ASAH1: variants seen among roughly 807,000 people sequenced by gnomAD.
ASAH1 encodes acid ceramidase.
A neutral mutation model predicts 59.5 loss-of-function variants in ASAH1; 70 were observed. That is an observed-to-expected ratio of 1.18 (90% CI 0.97 to 1.43). The LOEUF is 1.43. Ranked by LOEUF, ASAH1 falls within the 40% of genes most tolerant of loss-of-function variation. The probability of loss-of-function intolerance (pLI) is 0.00; values close to 1 mark genes in which losing one functional copy is unlikely to be tolerated. For missense variants in ASAH1, 660 were observed against 482.5 expected (o/e 1.37, Z -3.45); for synonymous variants, 213 against 166.5 (o/e 1.28, Z -2.15).
intron 7 of ASAH1, 95 bp from the exon 8 acceptor site, chr8:18,062,518 T>A: frequency 7.4e-7 from 1 of 1,351,446 alleles, no homozygotes; most frequent in Non-Finnish European, 1.1e-6. Flanking sequence ...GGAGCTTTAT[T>A]TACCGAGTCA....
chr8:18,084,081 C>T lies in ASAH1; in HGVS notation c.-23G>A, dbSNP rs750505676. ...CATCGCTCTAGCAGCCAACGCCACT[C>T]CCCGGACTCCAGCAGAGGCAAAGAA... is the stretch of plus-strand genomic sequence containing the variant. On this transcript the variant is annotated 5_prime_UTR_variant, in exon 1 of 14. Transcript: ENST00000637790. 3 of 1,598,028 alleles carry T rather than the reference C, an allele frequency of 1.9e-6. No individual in the cohort carries two copies. The highest frequency in any genetic ancestry group is 1.3e-5 in the African/African-American group (1 of 75,034).
At chr8:18,075,907 A>T in intron 1 of ASAH1, 1 of 391,894 alleles carries the variant, frequency 2.6e-6, no homozygotes, top group South Asian at 2.2e-5. Flanking sequence ...CTGACTTAGC[A>T]CTAAAAGTAA....
upstream of ASAH1, chr8:18,084,862 T>A: frequency 6.3e-7 from 1 of 1,599,332 alleles, no homozygotes; most frequent in Non-Finnish European, 8.5e-7. Flanking sequence ...AGAGCTCAGC[T>A]TGGGAGGAGG....
upstream of ASAH1, chr8:18,084,838 C>G: frequency 6.2e-7 from 1 of 1,609,738 alleles, no homozygotes; most frequent in Non-Finnish European, 8.5e-7. Context: ...GCGAAGGACT[C>G]AGGTGGGCGG....
chr8:18,073,182 A>G, intron 2 of ASAH1: 1 of 1,373,634 alleles, frequency 7.3e-7, no homozygotes, highest in Non-Finnish European at 1.0e-6. Context: ...ACCTCTCGTT[A>G]AACAGTTTTC....
chr8:18,076,179 G>T, intron 1 of ASAH1: 1 of 154,652 alleles, frequency 6.5e-6, no homozygotes, highest in Non-Finnish European at 1.4e-5. Flanking sequence ...TTCCCCACCT[G>T]GTGAACTGCT....
intron 8 of ASAH1, chr8:18,062,004 G>A (rs1799724345): frequency 4.8e-6 from 3 of 620,002 alleles, no homozygotes; most frequent in East Asian, 2.8e-5. Context: ...TTGCCTAAGT[G>A]AGCGGAAGAC....
rs1800162662 is a variant in ASAH1 at position 18,071,297 on chromosome 8, T to C, written c.216+3A>G. The C allele has an allele frequency of 2.6e-6, 4 of 1,537,168 alleles. No homozygotes were observed. The highest frequency in any genetic ancestry group is 3.6e-6 in the Non-Finnish European group (4 of 1,115,734). On this transcript the variant is annotated splice_donor_region_variant and intron_variant, in intron 3 of 13. Transcript: ENST00000637790. The stretch of plus-strand genomic sequence containing the variant: ...AATAAAAGATTTAAGCATCATAGCA[T>C]ACCACTGGTGCCTTGTCAAGCATCA...
At chr8:18,083,091 G>A (rs1468115213) in intron 1 of ASAH1, 1 of 152,144 alleles carries the variant, frequency 6.6e-6, no homozygotes, top group Non-Finnish European at 1.5e-5. Context: ...AGAAGACAAT[G>A]CACATCTTGC....
intron 1 of ASAH1, among the ~76,000 whole-genome samples, chr8:18,078,124 G>A (rs1800488490): frequency 6.6e-6 from 1 of 152,142 alleles, no homozygotes; most frequent in Non-Finnish European, 1.5e-5. Context: ...GGCTTCTGGT[G>A]ATCACTAGAA....
chr8:18,079,925 GCTA>G (rs1800582603), intron 1 of ASAH1, among the ~76,000 whole-genome samples: 1 of 152,206 alleles, frequency 6.6e-6, no homozygotes, highest in African/African-American at 2.4e-5. Flanking sequence ...ATCCTATTAA[GCTA>G]CTGATATTTA....
At chr8:18,079,382 G>T (rs927975487) in intron 1 of ASAH1, among the ~76,000 whole-genome samples, 14 of 150,614 alleles carry the variant, frequency 9.3e-5, no homozygotes, top group African/African-American at 3.4e-4. Context: ...AAGCCTCTTT[G>T]AATGTCCTCC....
At chr8:18,075,957 G>A (rs1462249880) in intron 1 of ASAH1, 1 of 327,604 alleles carries the variant, frequency 3.1e-6, no homozygotes, top group African/African-American at 2.2e-5. Flanking sequence ...TACCAGCCAT[G>A]TGTGTTGCAA....
intron 1 of ASAH1, among the ~76,000 whole-genome samples, chr8:18,083,724 G>A (rs1463012788): frequency 2.6e-5 from 4 of 152,230 alleles, no homozygotes; most frequent in Non-Finnish European, 5.9e-5. Context: ...AAGAATGTGC[G>A]AATCACACCC....
At chr8:18,058,742 G>A in intron 13 of ASAH1, 93 bp downstream of exon 13, 1 of 1,166,678 alleles carries the variant, frequency 8.6e-7, no homozygotes, top group Non-Finnish European at 1.3e-6. Context: ...CACACCTTTT[G>A]TGCTCAAACT....
At position 18,072,328 on chromosome 8, in the gene ASAH1, A is replaced by C. The variant is rs1304259695; in HGVS notation, c.126-938T>G. Among the ~76,000 whole-genome samples, 3 of 152,172 alleles carry C rather than the reference A, an allele frequency of 2.0e-5. No individual in the cohort carries two copies. The East Asian group carries it at 5.8e-4, about 29-fold the overall frequency. The stretch of plus-strand genomic sequence containing the variant: ...CTAAATAGAAATGTTATCTAGACTT[A>C]TGTCCATAGCTGGGGATGGGTTATT... On this transcript the variant is annotated intron_variant, in intron 2 of 13. Coordinates refer to ENST00000637790, the MANE Select transcript of ASAH1 (RefSeq NM_177924.5).
chr8:18,064,522 A>T lies in ASAH1; in HGVS notation c.392T>A (p.Ile131Asn). The change falls in exon 6 of 14, where the codon ATT becomes AAT. Residue 131 changes from isoleucine (I) to asparagine (N), a missense_variant. Coordinates refer to ENST00000637790, the MANE Select transcript of ASAH1 (RefSeq NM_177924.5). The stretch of plus-strand genomic sequence containing the variant: ...TAATTCATAAAAAATATTGAATGAA[A>T]TAATCTCTCCTATGAGAAAAGAAAA... ...AVTDIPLGEI[I>N]SFNIFYELFT... 1 of 1,534,522 alleles carries T rather than the reference A, an allele frequency of 6.5e-7. No homozygotes were observed. The highest frequency in any genetic ancestry group is 9.0e-7 in the Non-Finnish European group (1 of 1,113,498).
In ASAH1 at chr8:18,059,697, T is replaced by C; in HGVS notation, c.792A>G (p.Glu264=). The C allele has an allele frequency of 6.2e-7, 1 of 1,613,928 alleles. No homozygotes were observed. Among genetic ancestry groups the C allele is most frequent in the Non-Finnish European group, 8.5e-7 (1 of 1,179,808 alleles). ...TCTTGGTCAATAAATTCTTGGCTTC[T>C]TCATAACTATATAGAAACATTTAAA... ...RTVLENSTSY[E]EAKNLLTKTK... Residue 264 remains glutamate (E), a synonymous_variant, in exon 11 of 14, where the codon GAA becomes GAG. Transcript: ENST00000637790.
chr8:18,084,630 G>C (rs535931551), upstream of ASAH1: 4 of 1,610,886 alleles, frequency 2.5e-6, no homozygotes, highest in Non-Finnish European at 3.4e-6. Flanking sequence ...CGAGGAGTGA[G>C]AGAGAATCGA....
Sources: allele counts gnomAD v4.1 joint callset (sites outside exome capture counted in the v4.1 genomes callset), GRCh38; gene constraint gnomAD v4.1.1; transcripts MANE v1.5; gene names NCBI Gene and HGNC (gene_info 2026-07-23, HGNC 2026-07-21).